Variants in KMT2C observed in about 807,000 individuals in gnomAD.
KMT2C encodes the protein histone-lysine N-methyltransferase 2C.
In KMT2C, 88 loss-of-function variants were observed where a neutral mutation model predicts 507.9. The ratio of observed to expected loss-of-function variants is 0.17; its 90% CI spans 0.15 to 0.21. The LOEUF is 0.21. KMT2C is among the 10% of genes least tolerant of loss of function. KMT2C has a pLI of 1.00. For missense variants in KMT2C, 4,954 were observed against 5,957.8 expected (o/e 0.83, Z 5.55); for synonymous variants, 2,049 against 2,080.8 (o/e 0.98, Z 0.42).
At chr7:152,371,316 A>G (rs1341167063) in intron 1 of KMT2C, among the ~76,000 whole-genome samples, 2 of 152,198 alleles carry the variant, frequency 1.3e-5, no homozygotes, top group Non-Finnish European at 2.9e-5. Context: ...TCAGCTTAAA[A>G]TAGACTATTA....
intron 14 of KMT2C, among the ~76,000 whole-genome samples, chr7:152,242,858 C>T (rs576452921): frequency 2.9e-4 from 44 of 152,274 alleles, no homozygotes; most frequent in African/African-American, 1.0e-3. Context: ...AACTTTACAC[C>T]TCCAAATCCT....
intron 31 of KMT2C, among the ~76,000 whole-genome samples, chr7:152,190,580 C>T (rs1588079435): frequency 6.6e-6 from 1 of 151,844 alleles, no homozygotes; most frequent in Admixed American, 6.6e-5. Context: ...TTATTTTATT[C>T]AAGAAGTGGT....
At chr7:152,389,320 G>A (rs75524872) in intron 1 of KMT2C, among the ~76,000 whole-genome samples, 5,511 of 145,822 alleles carry the variant, frequency 0.038, 370 homozygotes, top group African/African-American at 0.14. Context: ...AGCAGAGATC[G>A]TGCAGCCTGG....
At position 152,428,879 on chromosome 7, in the gene KMT2C, C is replaced by T. The variant is rs547615350; in HGVS notation, c.161+6747G>A. On this transcript the variant is annotated intron_variant, in intron 1 of 58. Coordinates refer to ENST00000262189, the MANE Select transcript of KMT2C (RefSeq NM_170606.3). ...ACTGTTCATTTAAATTGCTTACCTGCTCCCTGTAAACAGTTTATAACTCCT... is the reference window on the plus strand; with the variant it reads ...ACTGTTCATTTAAATTGCTTACCTGTTCCCTGTAAACAGTTTATAACTCCT... 5.4e-4 allele frequency among the ~76,000 whole-genome samples: 83 copies of T among 152,296 alleles called. 1 individual carries two copies. In the South Asian group the frequency reaches 0.015, roughly 27 times the overall value.
At chr7:152,318,165 T>C (rs938110960) in intron 3 of KMT2C, among the ~76,000 whole-genome samples, 1 of 151,482 alleles carries the variant, frequency 6.6e-6, no homozygotes, top group Non-Finnish European at 1.5e-5. Flanking sequence ...AGAAAAAACA[T>C]ATATACAGTG....
At chr7:152,317,333 G>A (rs149850376) in intron 3 of KMT2C, among the ~76,000 whole-genome samples, 5 of 152,042 alleles carry the variant, frequency 3.3e-5, no homozygotes, top group East Asian at 1.9e-4. Flanking sequence ...TTTTTAATAC[G>A]AGGTCAAGGG....
Position 152,148,690 on chromosome 7 carries a change from T to G in KMT2C, c.13237A>C (p.Thr4413Pro). The G allele has an allele frequency of 6.2e-7, 1 of 1,614,192 alleles. No individual in the cohort carries two copies. Among genetic ancestry groups the G allele is most frequent in the Non-Finnish European group, 8.5e-7 (1 of 1,180,036 alleles). The change falls in exon 52 of 59, where the codon ACA becomes CCA. Residue 4413 changes from threonine (T) to proline (P), a missense_variant. This residue lies in a region of KMT2C where 39 missense variants were observed against 101.8 expected (regional missense o/e 0.38). Coordinates refer to ENST00000262189, the MANE Select transcript of KMT2C (RefSeq NM_170606.3). The surrounding 1 kb of genome is among the most constrained non-coding windows in gnomAD (Gnocchi z 7.1). ...CFCHEEGDGL[T>P]DGPARLLNLD... Reference sequence around the variant, plus strand: ...TTGAGTAGCCTTGCTGGTCCATCTGTCAATCCATCACCTTCTTCATGACAA... The same window carrying G: ...TTGAGTAGCCTTGCTGGTCCATCTGGCAATCCATCACCTTCTTCATGACAA...
Position 152,154,146 on chromosome 7 carries a change from C to G in KMT2C, c.12140G>C (p.Ser4047Thr). 1.2e-6 allele frequency: 2 copies of G among 1,612,954 alleles called. No individual in the cohort carries two copies. Among genetic ancestry groups the G allele is most frequent in the Non-Finnish European group, 1.7e-6 (2 of 1,179,764 alleles). ...IPILPSTAGK[S>T]SESRRNDIKT... ...GATGTCATTCCTTCTTGATTCTGAA[C>G]CTTTAAAAAGAGAGAAAAAAAAGAG... Residue 4047 changes from serine to threonine, a missense_variant and splice_region_variant, in exon 48 of 59, where the codon AGT (serine) becomes ACT (threonine). By Grantham distance (58) the Ser-to-Thr change is moderately conservative. Coordinates refer to ENST00000262189, the MANE Select transcript of KMT2C (RefSeq NM_170606.3).
rs972588366 is a variant in KMT2C, at chr7:152,138,403, A to G, written c.14643+393T>C. The G allele has an allele frequency of 5.8e-6, 1 of 172,930 alleles. No homozygotes were observed. The highest frequency in any genetic ancestry group is 5.4e-5 in the Admixed American group (1 of 18,466). The allele number at this position is 172,930 out of a possible 1,614,324, so 10.7% of individuals were successfully genotyped here. ...CCAGATTTGCCGCCCACAGCCCAAC[A>G]GTGCCATCTCAGGAGCCACGGCCCC... On this transcript the variant is annotated intron_variant, in intron 58 of 58. Coordinates refer to ENST00000262189, the MANE Select transcript of KMT2C (RefSeq NM_170606.3). This position sits in a 1 kb window ranked among gnomAD's most constrained non-coding sequence, Gnocchi z 4.2.
chr7:152,355,345 G>T (rs2097143167), intron 2 of KMT2C, among the ~76,000 whole-genome samples: 1 of 152,132 alleles, frequency 6.6e-6, no homozygotes, highest in African/African-American at 2.4e-5. Flanking sequence ...CATCTAAGAA[G>T]AGATGTTAAG....
Position 152,224,683 on chromosome 7 carries a change from A to C in KMT2C, c.2977-67T>G, listed in dbSNP as rs930042637. On this transcript the variant is annotated intron_variant, in intron 18 of 58. Coordinates refer to ENST00000262189, the MANE Select transcript of KMT2C (RefSeq NM_170606.3). ...CTAACATAATCAAATATACTATATA[A>C]ATTAATATGGTGCTTATGTACCTAG... The C allele has an allele frequency of 5.7e-6, 5 of 870,042 alleles. No individual in the cohort carries two copies. In the African/African-American group the frequency reaches 8.4e-5, roughly 15 times the overall value. The allele number at this position is 870,042 out of a possible 1,614,324, so 53.9% of individuals were successfully genotyped here. A position where few individuals can be genotyped will look rare whatever the true frequency, so the allele number is the denominator to read the frequency against.
intron 4 of KMT2C, 140 bp from the exon 5 acceptor site, chr7:152,312,086 T>C: frequency 7.3e-6 from 4 of 548,816 alleles, no homozygotes; most frequent in South Asian, 7.1e-5. Flanking sequence ...TTAGAATTCA[T>C]CTGTTAGTAT....
chr7:152,262,685 G>C (rs1230898430), intron 9 of KMT2C, among the ~76,000 whole-genome samples: 1 of 152,198 alleles, frequency 6.6e-6, no homozygotes, highest in Non-Finnish European at 1.5e-5. Flanking sequence ...AAAGAAGCCA[G>C]ACCAAAAACG....
At chr7:152,173,194 G>T (rs1180460689) in intron 39 of KMT2C, among the ~76,000 whole-genome samples, 2 of 152,064 alleles carry the variant, frequency 1.3e-5, no homozygotes, top group East Asian at 3.8e-4. Context: ...CAATTGAAAA[G>T]AATTATACCC....
At chr7:152,240,621 T>C (rs111273125) in intron 14 of KMT2C, among the ~76,000 whole-genome samples, 1 of 119,720 alleles carries the variant, frequency 8.4e-6, no homozygotes, top group Non-Finnish European at 1.8e-5. Flanking sequence ...AAGTTTGCCA[T>C]GTTTAAAATT....
intron 6 of KMT2C, among the ~76,000 whole-genome samples, chr7:152,276,716 G>A (rs1290362595): frequency 6.6e-6 from 1 of 151,432 alleles, no homozygotes; most frequent in Non-Finnish European, 1.5e-5. Context: ...TCACGCTACT[G>A]CACTCTAGCC....
At position 152,224,133 on chromosome 7, in the gene KMT2C, A is replaced by T. The variant is rs753097058; in HGVS notation, c.3205T>A (p.Cys1069Ser). The change falls in exon 20 of 59, where the codon TGT becomes AGT. Residue 1069 changes from cysteine to serine, a missense_variant. Physicochemically the swap from Cys to Ser is moderately radical, Grantham distance 112. Coordinates refer to ENST00000262189, the MANE Select transcript of KMT2C (RefSeq NM_170606.3). ...HCGATSAGLR[C>S]EWQNNYTQCA... ...TGTGTGTAATTGTTCTGCCATTCAC[A>T]TCTTAGACCTGCAGATGTTGCTCCA... is the stretch of plus-strand genomic sequence containing the variant. 14 of 1,609,004 alleles carry T rather than the reference A, an allele frequency of 8.7e-6. No homozygotes were observed. The Admixed American group carries it at 2.0e-4, about 23-fold the overall frequency.
chr7:152,143,209 A>G (rs2090764902), intron 55 of KMT2C, among the ~76,000 whole-genome samples: 1 of 152,248 alleles, frequency 6.6e-6, no homozygotes, highest in Admixed American at 6.5e-5. Context: ...GAGAGGCTCA[A>G]CAGAGAGGGG....
chr7:152,310,167 A>T (rs1279263199), intron 5 of KMT2C, 92 bp from the exon 6 acceptor site: 3 of 782,880 alleles, frequency 3.8e-6, no homozygotes, highest in Non-Finnish European at 4.2e-6. Context: ...AATCAACTCT[A>T]ATATGTAAAT....
Sources: gnomAD v4.1 joint callset for allele counts (sites outside exome capture counted in the v4.1 genomes callset) on GRCh38, gnomAD v4.1.1 for gene constraint, gnomAD v4.1.1 regional missense constraint, Gnocchi (gnomAD v3.1) non-coding constraint, MANE v1.5 for transcripts, NCBI Gene and HGNC (gene_info 2026-07-23, HGNC 2026-07-21) for gene names.